Variants in ZNF365 observed in about 807,000 individuals in gnomAD.
ZNF365 encodes the protein protein ZNF365.
A neutral mutation model predicts 35.0 loss-of-function variants in ZNF365; 22 were observed. The ratio of observed to expected loss-of-function variants is 0.63; its 90% CI spans 0.45 to 0.90. The LOEUF is 0.90. Ranked by LOEUF, ZNF365 falls within the 40% of genes least tolerant of loss-of-function variation. The pLI is 0.00. For missense variants in ZNF365, 448 were observed against 500.3 expected (o/e 0.90, Z 1.00); for synonymous variants, 188 against 196.2 (o/e 0.96, Z 0.35).
intron 4 of ZNF365, among the ~76,000 whole-genome samples, chr10:62,475,418 C>A (rs1276590500): frequency 6.6e-6 from 1 of 151,962 alleles, no homozygotes; most frequent in Non-Finnish European, 1.5e-5. Flanking sequence ...ACAGGGAGAC[C>A]CTGTCTCTAA....
chr10:62,383,712 G>A (rs1022924110), intron 2 of ZNF365, among the ~76,000 whole-genome samples: 1 of 152,222 alleles, frequency 6.6e-6, no homozygotes, highest in African/African-American at 2.4e-5. Context: ...TCACATGATA[G>A]CATGTCTTTG....
Position 62,376,760 on chromosome 10 carries a change from G to C in ZNF365, c.567G>C (p.Gln189His). The part of the protein sequence containing the change: ...RIDKLTKELA[Q>H]KTAELLEVRA... ...ATAAACTCACCAAAGAGTTGGCCCA[G>C]AAAACTGCGGAACTGTTGGAAGTTC... Residue 189 changes from glutamine to histidine, a missense_variant, in exon 2 of 5, where the codon CAG becomes CAC. Transcript: ENST00000395254. The C allele has an allele frequency of 6.2e-7, 1 of 1,614,196 alleles. No homozygotes were observed. Among genetic ancestry groups the C allele is most frequent in the Non-Finnish European group, 8.5e-7 (1 of 1,180,048 alleles).
intron 4 of ZNF365, among the ~76,000 whole-genome samples, chr10:62,475,776 G>T (rs1841120672): frequency 6.6e-6 from 1 of 152,206 alleles, no homozygotes; most frequent in Non-Finnish European, 1.5e-5. Context: ...AGAAGAAGCT[G>T]GTTTTTCTGA....
At chr10:62,410,612 T>C (rs1839971480) in intron 3 of ZNF365, among the ~76,000 whole-genome samples, 1 of 152,076 alleles carries the variant, frequency 6.6e-6, no homozygotes, top group African/African-American at 2.4e-5. Flanking sequence ...TGAGAACATG[T>C]GGTGTTTGGT....
Position 62,376,230 on chromosome 10 carries a change from TG to T in ZNF365, c.39del (p.Trp13CysfsTer31). ...QKAFEESRYP[W>X]QESFENVAVC... is the part of the protein sequence containing the mutation. Reference sequence around the variant, plus strand: ...GGCTTTTGAGGAAAGCAGATATCCCTGGCAGGAGTCCTTTGAGAATGTTGCT... The same window carrying T: ...GGCTTTTGAGGAAAGCAGATATCCCTGCAGGAGTCCTTTGAGAATGTTGCT... On this transcript the variant is annotated frameshift_variant, in exon 2 of 5. Coordinates refer to ENST00000395254, the MANE Select transcript of ZNF365 (RefSeq NM_014951.3). LOFTEE classifies it high-confidence loss of function. 7 of 1,614,172 alleles carry T rather than the reference TG, an allele frequency of 4.3e-6. No homozygotes were observed. The highest frequency in any genetic ancestry group is 5.9e-6 in the Non-Finnish European group (7 of 1,180,034).
chr10:62,392,691 C>T (rs939524741), intron 3 of ZNF365, among the ~76,000 whole-genome samples: 6 of 152,042 alleles, frequency 3.9e-5, no homozygotes, highest in Non-Finnish European at 7.4e-5. Flanking sequence ...AGTGCAGTGG[C>T]GTGATCTCGG....
At chr10:62,438,156 A>G (rs1456057548) in intron 3 of ZNF365, among the ~76,000 whole-genome samples, 2 of 151,768 alleles carry the variant, frequency 1.3e-5, no homozygotes, top group Non-Finnish European at 2.9e-5. Flanking sequence ...GGAATATTAT[A>G]TCTGTTTTCA....
At chr10:62,473,487 T>C (rs977759778) in intron 4 of ZNF365, among the ~76,000 whole-genome samples, 2 of 152,156 alleles carry the variant, frequency 1.3e-5, no homozygotes, top group African/African-American at 4.8e-5. Flanking sequence ...GAGTTTCGAT[T>C]TGGGGGCCAG....
At chr10:62,448,708 T>C (rs1051695114) in intron 3 of ZNF365, among the ~76,000 whole-genome samples, 20 of 152,204 alleles carry the variant, frequency 1.3e-4, no homozygotes, top group African/African-American at 4.8e-4. Flanking sequence ...TCTAGGAGAC[T>C]ATGGATCTGG....
intron 3 of ZNF365, among the ~76,000 whole-genome samples, chr10:62,455,846 C>T (rs1840753716): frequency 6.6e-6 from 1 of 152,250 alleles, no homozygotes; most frequent in South Asian, 2.1e-4. Flanking sequence ...ATGTGACTTA[C>T]CCAAGGTTCA....
intron 3 of ZNF365, among the ~76,000 whole-genome samples, chr10:62,452,865 G>A (rs1157812238): frequency 1.3e-5 from 2 of 152,224 alleles, no homozygotes; most frequent in South Asian, 4.1e-4. Context: ...AGAAGGACTG[G>A]GCAGGCCCAA....
chr10:62,385,300 G>T (rs1389609188), intron 2 of ZNF365, among the ~76,000 whole-genome samples: 2 of 152,116 alleles, frequency 1.3e-5, no homozygotes, highest in African/African-American at 4.8e-5. Flanking sequence ...GTTGAGAGAA[G>T]TTAGAAAAAA....
In ZNF365 at chr10:62,444,324, A is replaced by G. The variant is rs1181773205; in HGVS notation, c.925-15417A>G. On this transcript the variant is annotated intron_variant, in intron 3 of 4. Transcript: ENST00000395255. ...TTGAGAGGCCCCGGTAGGAGACAGG[A>G]GAGTGGGAAGAGAGGTCAGTGTATA... 2.0e-5 allele frequency among the ~76,000 whole-genome samples: 3 copies of G among 152,256 alleles called. No homozygotes were observed. In the East Asian group the frequency reaches 5.8e-4, roughly 29 times the overall value.
intron 3 of ZNF365, among the ~76,000 whole-genome samples, chr10:62,445,177 G>A (rs541922378): frequency 2.0e-5 from 3 of 150,936 alleles, no homozygotes; most frequent in Admixed American, 2.0e-4. Flanking sequence ...GTCTATCATT[G>A]TTGGACATTT....
downstream of ZNF365, among the ~76,000 whole-genome samples, chr10:62,403,354 A>C (rs1019556613): frequency 7.9e-5 from 12 of 152,188 alleles, no homozygotes; most frequent in Non-Finnish European, 4.4e-5. Context: ...TGGTGGCAGA[A>C]AAAATCAGGA....
rs200153426 is a variant in ZNF365, at chr10:62,388,567, C to A, written c.915C>A (p.Ser305Arg). 12 of 1,613,678 alleles carry A rather than the reference C, an allele frequency of 7.4e-6. No homozygotes were observed. The highest frequency in any genetic ancestry group is 8.5e-6 in the Non-Finnish European group (10 of 1,180,016). The part of the protein sequence containing the change: ...QQASGFVRDL[S>R]GHVLTDISSN... ...CCTCTGGCTTTGTCCGTGATCTCAG[C>A]GGGCACGTGGTGAGTCACCCCGGGC... is the stretch of plus-strand genomic sequence containing the variant. Residue 305 changes from serine (S) to arginine (R), a missense_variant, in exon 3 of 5, where the codon AGC (serine) becomes AGA (arginine). Ser to Arg is a moderately radical substitution (Grantham distance 110). This residue lies in a region of ZNF365 where 362 missense variants were observed against 375.7 expected (regional missense o/e 0.96). Coordinates refer to ENST00000395254, the MANE Select transcript of ZNF365 (RefSeq NM_014951.3).
intron 4 of ZNF365, among the ~76,000 whole-genome samples, chr10:62,466,761 G>A (rs898457852): frequency 2.0e-5 from 3 of 149,742 alleles, no homozygotes; most frequent in Non-Finnish European, 4.4e-5. Context: ...CATTCAACAG[G>A]TTACTTGAAA....
chr10:62,471,930 C>G (rs760288741), intron 4 of ZNF365, among the ~76,000 whole-genome samples: 1 of 152,136 alleles, frequency 6.6e-6, no homozygotes, highest in Non-Finnish European at 1.5e-5. Context: ...ATCAGGGACT[C>G]CTTATGTTTC....
chr10:62,452,334 G>A (rs1378725642), intron 3 of ZNF365, among the ~76,000 whole-genome samples: 1 of 152,110 alleles, frequency 6.6e-6, no homozygotes, highest in Non-Finnish European at 1.5e-5. Context: ...CAGGAATCAA[G>A]GAAATTGATG....
Sources: allele counts gnomAD v4.1 joint callset (sites outside exome capture counted in the v4.1 genomes callset), GRCh38; gene constraint gnomAD v4.1.1; regional missense constraint gnomAD v4.1.1; transcripts MANE v1.5; gene names NCBI Gene and HGNC (gene_info 2026-07-23, HGNC 2026-07-21).